Variants in DPYD observed in about 807,000 individuals in gnomAD.
DPYD encodes the protein dihydropyrimidine dehydrogenase.
Under a neutral mutation model 116.2 loss-of-function variants are expected in DPYD, and 109 were observed. That is an observed-to-expected ratio of 0.94 (90% CI 0.80 to 1.10). The LOEUF is 1.10. DPYD is among the 50% of genes least tolerant of loss of function. DPYD has a pLI of 0.00. For missense variants in DPYD, 1,302 were observed against 1,254.5 expected (o/e 1.04, Z -0.57); for synonymous variants, 440 against 432.0 (o/e 1.02, Z -0.23).
At chr1:97,363,900 C>A (rs374439314) in intron 16 of DPYD, among the ~76,000 whole-genome samples, 44 of 152,058 alleles carry the variant, frequency 2.9e-4, no homozygotes, top group Non-Finnish European at 5.7e-4. Context: ...TGTATACCTA[C>A]GTAACAAACC....
intron 16 of DPYD, among the ~76,000 whole-genome samples, chr1:97,308,897 A>C (rs1667317508): frequency 1.3e-5 from 2 of 151,870 alleles, no homozygotes; most frequent in African/African-American, 4.8e-5. Context: ...ACCAATACAT[A>C]CAAGGAGAAG....
intron 16 of DPYD, among the ~76,000 whole-genome samples, chr1:97,331,663 ATAAAT>A (rs1453759089): frequency 2.0e-5 from 3 of 152,224 alleles, no homozygotes; most frequent in Non-Finnish European, 4.4e-5. Context: ...ACTAGAGCTA[ATAAAT>A]TAAATTATTA....
chr1:97,433,492 T>C (rs1675295058), intron 14 of DPYD, among the ~76,000 whole-genome samples: 1 of 152,198 alleles, frequency 6.6e-6, no homozygotes, highest in Admixed American at 6.5e-5. Flanking sequence ...TGAAATTTAG[T>C]TCATTTAAGT....
intron 7 of DPYD, among the ~76,000 whole-genome samples, chr1:97,687,320 G>A (rs554767347): frequency 6.6e-6 from 1 of 151,988 alleles, no homozygotes; most frequent in African/African-American, 2.4e-5. Context: ...TAAAGGACAT[G>A]AACAGACATT....
chr1:97,341,434 T>A (rs1416629261), intron 16 of DPYD, among the ~76,000 whole-genome samples: 3 of 152,100 alleles, frequency 2.0e-5, no homozygotes, highest in Non-Finnish European at 4.4e-5. Context: ...TCTCCTAAAG[T>A]AATATAATTT....
intron 16 of DPYD, among the ~76,000 whole-genome samples, chr1:97,364,516 T>G (rs1047274930): frequency 6.6e-6 from 1 of 152,356 alleles, no homozygotes; most frequent in East Asian, 1.9e-4. Context: ...TGCTTTAAAT[T>G]GATTTTTCCT....
At chr1:97,593,453 A>G in intron 9 of DPYD, 66 bp from the exon 10 acceptor site, 1 of 1,579,270 alleles carries the variant, frequency 6.3e-7, no homozygotes, top group Non-Finnish European at 8.7e-7. Context: ...AGCTCAAAAG[A>G]TACTTGTACT....
Position 97,462,971 on chromosome 1 carries a change from C to A in DPYD, c.1741-12748G>T, listed in dbSNP as rs551196449. Among the ~76,000 whole-genome samples the A allele has an allele frequency of 2.6e-5, 4 of 152,278 alleles. No homozygotes were observed. In the South Asian group the frequency reaches 8.3e-4, roughly 32 times the overall value. ...TCCCTTATCTTAACCCAGAAACTCCCTTCTATTGATTCCAAGTCTTCAGAT... is the reference window on the plus strand; with the variant it reads ...TCCCTTATCTTAACCCAGAAACTCCATTCTATTGATTCCAAGTCTTCAGAT... On this transcript the variant is annotated intron_variant, in intron 13 of 22. Coordinates refer to ENST00000370192, the MANE Select transcript of DPYD (RefSeq NM_000110.4).
intron 16 of DPYD, among the ~76,000 whole-genome samples, chr1:97,334,158 A>C (rs76435733): frequency 0.014 from 2,152 of 152,298 alleles, 57 homozygotes; most frequent in African/African-American, 0.05. Context: ...CCTCATGAAT[A>C]TCTAAGTCTC....
At chr1:97,502,272 T>C (rs1679626077) in intron 13 of DPYD, among the ~76,000 whole-genome samples, 1 of 152,090 alleles carries the variant, frequency 6.6e-6, no homozygotes, top group Non-Finnish European at 1.5e-5. Context: ...TATGACAACA[T>C]AATTATTTCT....
intron 7 of DPYD, among the ~76,000 whole-genome samples, chr1:97,685,795 CAAG>C (rs1259945513): frequency 6.6e-6 from 1 of 152,136 alleles, no homozygotes; most frequent in Admixed American, 6.5e-5. Flanking sequence ...AAAACCTCTT[CAAG>C]AAGAACTACA....
chr1:97,173,254 A>G (rs1317021776), intron 20 of DPYD, among the ~76,000 whole-genome samples: 2 of 148,278 alleles, frequency 1.3e-5, no homozygotes, highest in African/African-American at 2.6e-5. Context: ...ATGTACATAT[A>G]TGCACACATA....
At chr1:97,467,239 C>T (rs1009998221) in intron 13 of DPYD, among the ~76,000 whole-genome samples, 1 of 152,116 alleles carries the variant, frequency 6.6e-6, no homozygotes, top group African/African-American at 2.4e-5. Flanking sequence ...GAACTTTGAC[C>T]AAAGTTCTTT....
Position 97,416,557 on chromosome 1 carries a change from A to C in DPYD, c.1905+33502T>G, listed in dbSNP as rs183459374. Reference sequence around the variant, plus strand: ...TTCCATCAGAAATGGATCCTAGAATACTTTGAAGCCACTGATATATCACTT... The same window carrying C: ...TTCCATCAGAAATGGATCCTAGAATCCTTTGAAGCCACTGATATATCACTT... On this transcript the variant is annotated intron_variant, in intron 14 of 22. Transcript: ENST00000370192. Among the ~76,000 whole-genome samples, 553 of 152,306 alleles carry C rather than the reference A, an allele frequency of 3.6e-3. 3 individuals are homozygous for C. Among genetic ancestry groups the C allele is most frequent in the African/African-American group, 0.013 (540 of 41,574 alleles).
At chr1:97,763,220 G>A (rs915462775) in intron 3 of DPYD, among the ~76,000 whole-genome samples, 1 of 151,894 alleles carries the variant, frequency 6.6e-6, no homozygotes, top group African/African-American at 2.4e-5. Flanking sequence ...TTTCAGAGCA[G>A]GGCCCATATT....
At chr1:97,399,396 G>A (rs1018010405) in intron 14 of DPYD, among the ~76,000 whole-genome samples, 11 of 152,250 alleles carry the variant, frequency 7.2e-5, no homozygotes, top group Admixed American at 3.9e-4. Context: ...CTCCAGCTTC[G>A]TTCTTTTGGC....
chr1:97,247,820 C>A (rs1360786073), intron 18 of DPYD, among the ~76,000 whole-genome samples: 1 of 152,048 alleles, frequency 6.6e-6, no homozygotes, highest in Non-Finnish European at 1.5e-5. Flanking sequence ...AACAGAAAGT[C>A]AAAATTAAAA....
At chr1:97,121,287 T>G (rs1341634458) in intron 20 of DPYD, among the ~76,000 whole-genome samples, 1 of 152,176 alleles carries the variant, frequency 6.6e-6, no homozygotes, top group Non-Finnish European at 1.5e-5. Flanking sequence ...GGAACTTTCC[T>G]AATCATCCCA....
chr1:97,449,105 G>A lies in DPYD; in HGVS notation c.1905+954C>T, dbSNP rs77433593. Among the ~76,000 whole-genome samples the A allele has an allele frequency of 3.3e-5, 5 of 151,896 alleles. No homozygotes were observed. The East Asian group carries it at 9.6e-4, about 29-fold the overall frequency. Reference sequence around the variant, plus strand: ...AATCATGTGATTTCTATATTCCTTTGTAAGAATTTGCAATTTATCAGTTTG... The same window carrying A: ...AATCATGTGATTTCTATATTCCTTTATAAGAATTTGCAATTTATCAGTTTG... On this transcript the variant is annotated intron_variant, in intron 14 of 22. Coordinates refer to ENST00000370192, the MANE Select transcript of DPYD (RefSeq NM_000110.4).
Sources: allele counts gnomAD v4.1 joint callset (sites outside exome capture counted in the v4.1 genomes callset), GRCh38; gene constraint gnomAD v4.1.1; transcripts MANE v1.5; gene names NCBI Gene and HGNC (gene_info 2026-07-23, HGNC 2026-07-21).